Variants in PPM1H observed in about 807,000 individuals in gnomAD.
PPM1H encodes the protein protein phosphatase, Mg2+/Mn2+ dependent 1H.
A neutral mutation model predicts 54.9 loss-of-function variants in PPM1H; 27 were observed. The ratio of observed to expected loss-of-function variants is 0.49; its 90% CI spans 0.36 to 0.68. The LOEUF (loss-of-function observed/expected upper bound fraction) is 0.68, where lower values mean the gene tolerates loss of function less well. Ranked by LOEUF, PPM1H falls within the 30% of genes least tolerant of loss-of-function variation. The pLI is 0.00. For missense variants in PPM1H, 596 were observed against 667.8 expected (o/e 0.89, Z 1.19); for synonymous variants, 305 against 270.8 (o/e 1.13, Z -1.24).
chr12:62,816,944 G>A (rs987053538), intron 2 of PPM1H, among the ~76,000 whole-genome samples: 1 of 151,256 alleles, frequency 6.6e-6, no homozygotes, highest in Admixed American at 6.6e-5. Context: ...GTACATTTTG[G>A]TCAAACCTGG....
chr12:62,732,892 A>G (rs2076330581), intron 5 of PPM1H, among the ~76,000 whole-genome samples: 1 of 152,192 alleles, frequency 6.6e-6, no homozygotes, highest in Admixed American at 6.5e-5. Flanking sequence ...TTAATTTTTC[A>G]GTGACTAATA....
intron 5 of PPM1H, among the ~76,000 whole-genome samples, chr12:62,732,524 C>T (rs1346608080): frequency 6.6e-6 from 1 of 151,974 alleles, no homozygotes; most frequent in Non-Finnish European, 1.5e-5. Flanking sequence ...GGACTGCAGA[C>T]ATCTGCTCAA....
chr12:62,928,135 C>G (rs190133506), intron 1 of PPM1H, among the ~76,000 whole-genome samples: 27 of 152,266 alleles, frequency 1.8e-4, no homozygotes, highest in East Asian at 1.7e-3. Context: ...AGGACTAGCT[C>G]AACAAATGAC....
intron 4 of PPM1H, among the ~76,000 whole-genome samples, chr12:62,770,960 T>C (rs550291120): frequency 2.6e-5 from 4 of 151,948 alleles, no homozygotes; most frequent in South Asian, 2.1e-4. Context: ...GGCCCAGCAA[T>C]GCAGCTCTAG....
Position 62,934,828 on chromosome 12 carries a change from C to T in PPM1H, c.-92G>A. 1 of 1,217,740 alleles carries T rather than the reference C, an allele frequency of 8.2e-7. No homozygotes were observed. The highest frequency in any genetic ancestry group is 1.0e-6 in the Non-Finnish European group (1 of 965,982). The allele number at this position is 1,217,740 out of a possible 1,614,324, so 75.4% of individuals were successfully genotyped here. On this transcript the variant is annotated 5_prime_UTR_variant, in exon 1 of 10. Coordinates refer to ENST00000228705, the MANE Select transcript of PPM1H (RefSeq NM_020700.2). This position sits in a 1 kb window ranked among gnomAD's most constrained non-coding sequence, Gnocchi z 4.2. ...GGGGCATGCAGGCTGCGGTGGGCGC[C>T]GGGCGCACGGCGAGTCGGGCCACTG...
chr12:62,702,129 G>C (rs1001941487), intron 6 of PPM1H, among the ~76,000 whole-genome samples: 1 of 151,898 alleles, frequency 6.6e-6, no homozygotes, highest in Non-Finnish European at 1.5e-5. Flanking sequence ...TTCATGGCTG[G>C]GTTCCCATTG....
Position 62,927,801 on chromosome 12 carries a change from C to G in PPM1H, c.245+6691G>C, listed in dbSNP as rs1409762910. On this transcript the variant is annotated intron_variant, in intron 1 of 9. Coordinates refer to ENST00000228705, the MANE Select transcript of PPM1H (RefSeq NM_020700.2). ...AGCTTTTATTTTTTTTAAAAAAATA[C>G]CTATATAAAAAATCTGAGAGACCAA... Among the ~76,000 whole-genome samples, 5 of 150,184 alleles carry G rather than the reference C, an allele frequency of 3.3e-5. 1 individual carries two copies. In the East Asian group the frequency reaches 1.0e-3, roughly 30 times the overall value.
intron 8 of PPM1H, among the ~76,000 whole-genome samples, chr12:62,679,205 T>C (rs1228093672): frequency 6.6e-6 from 1 of 152,082 alleles, no homozygotes. Context: ...CAGGATGGTC[T>C]TGATCTCTTG....
intron 4 of PPM1H, among the ~76,000 whole-genome samples, chr12:62,742,976 A>G (rs1305861992): frequency 6.6e-6 from 1 of 152,220 alleles, no homozygotes; most frequent in African/African-American, 2.4e-5. Context: ...TTGCGATACA[A>G]TGAACAGTAA....
rs986632555 is a variant in PPM1H, at chr12:62,812,691, T to C, written c.412-10531A>G. Among the ~76,000 whole-genome samples, 7 of 151,740 alleles carry C rather than the reference T, an allele frequency of 4.6e-5. No homozygotes were observed. The East Asian group carries it at 1.4e-3, about 29-fold the overall frequency. ...TTTCTCTTTTAGACTTTCTCTACAGTAGGCTCACTATCACATTCTCTTCTC... is the reference window on the plus strand; with the variant it reads ...TTTCTCTTTTAGACTTTCTCTACAGCAGGCTCACTATCACATTCTCTTCTC... On this transcript the variant is annotated intron_variant, in intron 2 of 9. Coordinates refer to ENST00000228705, the MANE Select transcript of PPM1H (RefSeq NM_020700.2).
chr12:62,856,233 A>G (rs1231459969), intron 1 of PPM1H, among the ~76,000 whole-genome samples: 2 of 152,190 alleles, frequency 1.3e-5, no homozygotes, highest in Admixed American at 1.3e-4. Flanking sequence ...TGTGAAATCT[A>G]GCTTTCTTGG....
At chr12:62,901,259 G>A (rs1871158344) in intron 1 of PPM1H, among the ~76,000 whole-genome samples, 1 of 152,210 alleles carries the variant, frequency 6.6e-6, no homozygotes, top group Admixed American at 6.5e-5. Flanking sequence ...CCCTTGGGAG[G>A]TGAGCTTACA....
intron 9 of PPM1H, among the ~76,000 whole-genome samples, chr12:62,650,892 G>A (rs557947042): frequency 6.6e-6 from 1 of 152,228 alleles, no homozygotes; most frequent in South Asian, 2.1e-4. Context: ...TAAGATTTGG[G>A]TGGGGACACA....
At chr12:62,693,016 T>C (rs2136640709) in intron 7 of PPM1H, among the ~76,000 whole-genome samples, 1 of 152,118 alleles carries the variant, frequency 6.6e-6, no homozygotes, top group Non-Finnish European at 1.5e-5. Context: ...TTCTTCTTGA[T>C]AAAAACTATC....
At chr12:62,736,832 A>G (rs2076352264) in intron 5 of PPM1H, among the ~76,000 whole-genome samples, 1 of 152,250 alleles carries the variant, frequency 6.6e-6, no homozygotes, top group African/African-American at 2.4e-5. Flanking sequence ...GATGATTACC[A>G]GAGTCACTTT....
In PPM1H at chr12:62,699,083, G is replaced by T. The variant is rs140454182; in HGVS notation, c.1074-5084C>A. Among the ~76,000 whole-genome samples, 519 of 152,286 alleles carry T rather than the reference G, an allele frequency of 3.4e-3. 1 individual carries two copies. In the South Asian group the frequency reaches 0.037, roughly 11 times the overall value. On this transcript the variant is annotated intron_variant, in intron 6 of 9. Coordinates refer to ENST00000228705, the MANE Select transcript of PPM1H (RefSeq NM_020700.2). ...TACTGGCCAAGCTAACCACACAAGGGGGGTGGCAACATTTCAGGCATGTGA... is the reference window on the plus strand; with the variant it reads ...TACTGGCCAAGCTAACCACACAAGGTGGGTGGCAACATTTCAGGCATGTGA...
chr12:62,855,029 CAA>C (rs1013139917), intron 1 of PPM1H, among the ~76,000 whole-genome samples: 16 of 152,006 alleles, frequency 1.1e-4, no homozygotes, highest in African/African-American at 3.4e-4. Context: ...TTTCCAGAGT[CAA>C]ACACAGGAGA....
intron 1 of PPM1H, among the ~76,000 whole-genome samples, chr12:62,911,295 T>C (rs948604128): frequency 1.2e-4 from 19 of 152,190 alleles, no homozygotes; most frequent in African/African-American, 4.6e-4. Context: ...TACGAGTTTG[T>C]CAAATTTTTA....
intron 9 of PPM1H, among the ~76,000 whole-genome samples, chr12:62,655,375 A>G (rs1391611295): frequency 1.3e-5 from 2 of 152,032 alleles, no homozygotes; most frequent in Non-Finnish European, 2.9e-5. Context: ...CAAACAAACA[A>G]CTTTCTCTGA....
Sources: allele counts gnomAD v4.1 joint callset (sites outside exome capture counted in the v4.1 genomes callset), GRCh38; gene constraint gnomAD v4.1.1; non-coding constraint Gnocchi (gnomAD v3.1); transcripts MANE v1.5; gene names NCBI Gene and HGNC (gene_info 2026-07-23, HGNC 2026-07-21).